Variants in DOK6 observed in about 807,000 individuals in gnomAD.
DOK6 encodes downstream of tyrosine kinase 6.
Under a neutral mutation model 44.0 loss-of-function variants are expected in DOK6, and 22 were observed. That is an observed-to-expected ratio of 0.50 (90% CI 0.36 to 0.71). The LOEUF is 0.71. Ranked by LOEUF, DOK6 falls within the 30% of genes least tolerant of loss-of-function variation. The pLI, the probability that DOK6 is intolerant of heterozygous loss-of-function variation, is 0.00. For missense variants in DOK6, 340 were observed against 416.4 expected (o/e 0.82, Z 1.60); for synonymous variants, 166 against 145.5 (o/e 1.14, Z -1.01).
intron 1 of DOK6, among the ~76,000 whole-genome samples, chr18:69,531,257 T>C (rs138082596): frequency 0.03 from 4,401 of 146,708 alleles, 78 homozygotes; most frequent in Middle Eastern, 0.05. Context: ...AATATATACT[T>C]ACATATATAT....
At chr18:69,590,784 G>A (rs1208485139) in intron 2 of DOK6, among the ~76,000 whole-genome samples, 1 of 152,170 alleles carries the variant, frequency 6.6e-6, no homozygotes, top group African/African-American at 2.4e-5. Flanking sequence ...GGAAGAGAAA[G>A]AGTGAGGGCT....
In DOK6 at chr18:69,738,990, T is replaced by G; in HGVS notation, c.625T>G (p.Phe209Val). Residue 209 changes from phenylalanine to valine, a missense_variant, in exon 6 of 8, where the codon TTC becomes GTC. Physicochemically the swap from Phe to Val is conservative, Grantham distance 50. Transcript: ENST00000382713. ...GRMCDTGEGL[F>V]TFQTREGEMI... ...AATGTGTGACACAGGAGAAGGACTA[T>G]TCACTTTTCAAACAAGGGAAGGAGA... 1 of 1,614,082 alleles carries G rather than the reference T, an allele frequency of 6.2e-7. No individual in the cohort carries two copies. Among genetic ancestry groups the G allele is most frequent in the Non-Finnish European group, 8.5e-7 (1 of 1,179,932 alleles).
intron 5 of DOK6, among the ~76,000 whole-genome samples, chr18:69,712,693 A>G (rs918356288): frequency 2.0e-5 from 3 of 152,104 alleles, no homozygotes; most frequent in Non-Finnish European, 2.9e-5. Flanking sequence ...CTAAAAATAC[A>G]TAAGTTAGCC....
intron 1 of DOK6, among the ~76,000 whole-genome samples, chr18:69,507,432 A>G (rs1397376420): frequency 2.0e-5 from 3 of 152,286 alleles, no homozygotes; most frequent in Middle Eastern, 3.4e-3. Context: ...GTCTTCTCAT[A>G]TATTTCAGAA....
In DOK6 at chr18:69,513,228, C is replaced by A. The variant is rs560622735; in HGVS notation, c.67-51259C>A. On this transcript the variant is annotated intron_variant, in intron 1 of 7. Coordinates refer to ENST00000382713, the MANE Select transcript of DOK6 (RefSeq NM_152721.6). ...AAATAAGAAAGAAGAGGAATTAACT[C>A]TTAAGATTTATGATTGTTGCCATGT... Among the ~76,000 whole-genome samples, 19 of 152,300 alleles carry A rather than the reference C, an allele frequency of 1.2e-4. No homozygotes were observed. In the South Asian group the frequency reaches 2.3e-3, roughly 18 times the overall value.
intron 7 of DOK6, among the ~76,000 whole-genome samples, chr18:69,779,071 C>T (rs886834025): frequency 2.0e-5 from 3 of 152,086 alleles, no homozygotes; most frequent in Non-Finnish European, 4.4e-5. Flanking sequence ...ATGCTTATTG[C>T]CATCAAGATA....
chr18:69,752,085 AAATT>A (rs1264560583), intron 6 of DOK6, among the ~76,000 whole-genome samples: 1 of 152,194 alleles, frequency 6.6e-6, no homozygotes, highest in African/African-American at 2.4e-5. Flanking sequence ...CAGCAGGTGG[AAATT>A]AATTAGCACA....
At position 69,677,806 on chromosome 18, in the gene DOK6, T is replaced by A. The variant is rs779611816; in HGVS notation, c.362T>A (p.Leu121His). The stretch of plus-strand genomic sequence containing the variant: ...GGGACCAGGCTCAATGATATCAGCC[T>A]TGGGGAGCCCGACCTTCTGGCCGCA... ...CLGTRLNDIS[L>H]GEPDLLAAGV... Residue 121 changes from leucine to histidine, a missense_variant, in exon 4 of 8, where the codon CTT (leucine) becomes CAT (histidine). Transcript: ENST00000382713. 1.9e-6 allele frequency: 3 copies of A among 1,613,822 alleles called. No homozygotes were observed. The South Asian group carries it at 3.3e-5, about 18-fold the overall frequency.
chr18:69,571,040 A>G (rs1364063037), intron 2 of DOK6, among the ~76,000 whole-genome samples: 10 of 152,064 alleles, frequency 6.6e-5, no homozygotes, highest in Admixed American at 6.6e-4. Context: ...ATATATGTAT[A>G]CATGATTTAT....
chr18:69,751,672 A>G lies in DOK6; in HGVS notation c.739-6084A>G, dbSNP rs575006057. Among the ~76,000 whole-genome samples, 5 of 152,296 alleles carry G rather than the reference A, an allele frequency of 3.3e-5. No homozygotes were observed. The South Asian group carries it at 1.0e-3, about 32-fold the overall frequency. ...TTAATGTACGGAAACTACTCAGTGC[A>G]TGTTCTCTACTACAAAACATTAAAT... On this transcript the variant is annotated intron_variant, in intron 6 of 7. Coordinates refer to ENST00000382713, the MANE Select transcript of DOK6 (RefSeq NM_152721.6).
chr18:69,411,467 G>C (rs1248027836), intron 1 of DOK6, among the ~76,000 whole-genome samples: 7 of 152,118 alleles, frequency 4.6e-5, no homozygotes, highest in Admixed American at 1.3e-4. Flanking sequence ...AGCCAGGATG[G>C]AGAACCATTG....
At chr18:69,807,938 C>T (rs1981103392) in intron 7 of DOK6, among the ~76,000 whole-genome samples, 1 of 151,690 alleles carries the variant, frequency 6.6e-6, no homozygotes, top group Admixed American at 6.6e-5. Context: ...ATACCTTAGA[C>T]CAAATGGATC....
chr18:69,424,854 A>T (rs1231058269), intron 1 of DOK6, among the ~76,000 whole-genome samples: 1 of 152,158 alleles, frequency 6.6e-6, no homozygotes, highest in African/African-American at 2.4e-5. Context: ...AGCTTGTTAA[A>T]CATGCACAAC....
chr18:69,725,381 A>G (rs1978301029), intron 5 of DOK6, among the ~76,000 whole-genome samples: 1 of 152,214 alleles, frequency 6.6e-6, no homozygotes, highest in African/African-American at 2.4e-5. Context: ...TTCTTTCTTC[A>G]TGTTCAAAAG....
chr18:69,513,595 T>C (rs1422691166), intron 1 of DOK6, among the ~76,000 whole-genome samples: 2 of 152,236 alleles, frequency 1.3e-5, no homozygotes, highest in African/African-American at 2.4e-5. Flanking sequence ...CACTGTCTGA[T>C]AAAATACATA....
At chr18:69,543,307 T>C (rs992338798) in intron 1 of DOK6, among the ~76,000 whole-genome samples, 10 of 151,464 alleles carry the variant, frequency 6.6e-5, no homozygotes, top group African/African-American at 1.2e-4. Context: ...AGGACTTTCT[T>C]TTAGGGAGTT....
intron 3 of DOK6, among the ~76,000 whole-genome samples, chr18:69,628,533 G>C (rs1984613152): frequency 6.6e-6 from 1 of 152,060 alleles, no homozygotes; most frequent in Non-Finnish European, 1.5e-5. Context: ...AGAATAAACA[G>C]AGTAGGACAA....
At chr18:69,545,516 C>CAAAAAAAA (rs397760145) in intron 1 of DOK6, among the ~76,000 whole-genome samples, 2 of 69,570 alleles carry the variant, frequency 2.9e-5, no homozygotes, top group African/African-American at 7.6e-5. Flanking sequence ...AGTGAAATAC[C>CAAAAAAAA]AAAAAAAAAA....
intron 3 of DOK6, among the ~76,000 whole-genome samples, chr18:69,665,639 C>A (rs1380232177): frequency 2.0e-5 from 3 of 152,170 alleles, no homozygotes; most frequent in East Asian, 3.8e-4. Flanking sequence ...CAGATGCTTT[C>A]TGCCCTAGAA....
Sources: gnomAD v4.1 joint callset for allele counts (sites outside exome capture counted in the v4.1 genomes callset) on GRCh38, gnomAD v4.1.1 for gene constraint, MANE v1.5 for transcripts, NCBI Gene and HGNC (gene_info 2026-07-23, HGNC 2026-07-21) for gene names.